The following CMTM6 variants were observed in gnomAD, a reference collection of about 807,000 sequenced individuals.
CMTM6 encodes the protein CKLF-like MARVEL transmembrane domain-containing protein 6.
A neutral mutation model predicts 13.6 loss-of-function variants in CMTM6; 5 were observed. The ratio of observed to expected loss-of-function variants is 0.37; its 90% CI spans 0.19 to 0.77. The LOEUF is 0.77. Ranked by LOEUF, CMTM6 falls within the 30% of genes least tolerant of loss-of-function variation. CMTM6 has a pLI of 0.50. For missense variants in CMTM6, 196 were observed against 218.6 expected (o/e 0.90, Z 0.65); for synonymous variants, 99 against 84.5 (o/e 1.17, Z -0.94).
chr3:32,488,106 T>C, intron 2 of CMTM6, 70 bp from the exon 3 acceptor site: 1 of 1,131,502 alleles, frequency 8.8e-7, no homozygotes, highest in Non-Finnish European at 1.3e-6. Flanking sequence ...TTTTTCATTT[T>C]TAACTTTAAA....
At chr3:32,487,713 G>A (rs1339206844) in intron 3 of CMTM6, 14 of 400,076 alleles carry the variant, frequency 3.5e-5, no homozygotes, top group Non-Finnish European at 6.4e-5. Context: ...ACGGTATGTG[G>A]AGTAAGTGGA....
intron 1 of CMTM6, among the ~76,000 whole-genome samples, chr3:32,500,217 T>TTAGTTTTTTAAAAA (rs1166280782): frequency 6.6e-6 from 1 of 152,214 alleles, no homozygotes; most frequent in African/African-American, 2.4e-5. Flanking sequence ...GCAATTCTGT[T>TTAGTTTTTTAAAAA]TAGTTTTTTA....
intron 1 of CMTM6, among the ~76,000 whole-genome samples, chr3:32,496,312 T>A (rs981607417): frequency 1.3e-5 from 2 of 151,940 alleles, no homozygotes; most frequent in African/African-American, 4.8e-5. Flanking sequence ...CCAGATGCGA[T>A]GGCTCACATC....
chr3:32,485,666 A>G (rs1697197078), intron 3 of CMTM6, among the ~76,000 whole-genome samples: 1 of 152,216 alleles, frequency 6.6e-6, no homozygotes, highest in Non-Finnish European at 1.5e-5. Context: ...TCATGTACCC[A>G]TGAATAAATA....
At chr3:32,502,546 C>T in intron 1 of CMTM6, 62 bp downstream of exon 1, 1 of 1,545,124 alleles carries the variant, frequency 6.5e-7, no homozygotes, top group Non-Finnish European at 8.7e-7. Flanking sequence ...TCGGCGGCCT[C>T]CCAAGCCCGG....
At chr3:32,486,760 G>A (rs1020037812) in intron 3 of CMTM6, among the ~76,000 whole-genome samples, 2 of 152,180 alleles carry the variant, frequency 1.3e-5, no homozygotes, top group African/African-American at 2.4e-5. Flanking sequence ...AATGTTGGGG[G>A]TGGAGCCTAG....
rs142326789 is a variant in CMTM6, at chr3:32,484,712, C to T, written c.415-615G>A. Among the ~76,000 whole-genome samples, 796 of 152,176 alleles carry T rather than the reference C, an allele frequency of 5.2e-3. 10 individuals carry two copies. The highest frequency in any genetic ancestry group is 0.018 in the African/African-American group (756 of 41,504). ...AGAATTCTATCAAGAGACAGAAGAC[C>T]ATGCGTCTGCTTCAAATTTAGCTTC... On this transcript the variant is annotated intron_variant, in intron 3 of 3. Transcript: ENST00000205636.
chr3:32,499,988 G>T (rs961404251), intron 1 of CMTM6, among the ~76,000 whole-genome samples: 6 of 151,662 alleles, frequency 4.0e-5, no homozygotes, highest in African/African-American at 1.5e-4. Flanking sequence ...AATTTCCTAA[G>T]TATATACACA....
chr3:32,499,594 C>T (rs1273028219), intron 1 of CMTM6, among the ~76,000 whole-genome samples: 1 of 152,126 alleles, frequency 6.6e-6, no homozygotes, highest in African/African-American at 2.4e-5. Context: ...AACATGTGGA[C>T]AAATCTAAGG....
intron 1 of CMTM6, among the ~76,000 whole-genome samples, chr3:32,495,741 G>C (rs1226171176): frequency 1.3e-5 from 2 of 152,182 alleles, no homozygotes; most frequent in Non-Finnish European, 1.5e-5. Context: ...GATCCAGCTT[G>C]TCCAGAAGCA....
Position 32,484,103 on chromosome 3 carries a change from G to GA in CMTM6, c.415-7dup, listed in dbSNP as rs34288928. 3.2e-6 allele frequency: 5 copies of GA among 1,567,812 alleles called. No individual in the cohort carries two copies. The highest frequency in any genetic ancestry group is 4.1e-5 in the Admixed American group (2 of 48,926). Reference sequence around the variant, plus strand: ...CTTGCTATAAATCCAAACACCTGAGGAAAAAAAGGAGGAAAGGTTATATGA... The same window carrying GA: ...CTTGCTATAAATCCAAACACCTGAGGAAAAAAAAGGAGGAAAGGTTATATGA... On this transcript the variant is annotated splice_polypyrimidine_tract_variant and splice_region_variant and intron_variant, in intron 3 of 3. Transcript: ENST00000205636.
intron 1 of CMTM6, among the ~76,000 whole-genome samples, chr3:32,501,454 G>A (rs999530550): frequency 2.0e-5 from 3 of 152,154 alleles, no homozygotes; most frequent in African/African-American, 7.2e-5. Context: ...GGGAGACTGG[G>A]AGAAAGATAA....
At position 32,483,997 on chromosome 3, in the gene CMTM6, G is replaced by C; in HGVS notation, c.515C>G (p.Thr172Ser). The C allele has an allele frequency of 1.9e-6, 3 of 1,612,024 alleles. No individual in the cohort carries two copies. Among genetic ancestry groups the C allele is most frequent in the African/African-American group, 1.3e-5 (1 of 74,956 alleles). The stretch of plus-strand genomic sequence containing the variant: ...TGGCTCAGTGAGGGCTTCAGCCCTA[G>C]TGGTATTTTCAGGTTTTCTCAGCTG... The part of the protein sequence containing the change: ...ESQLRKPENT[T>S]RAEALTEPLN... The change falls in exon 4 of 4, where the codon ACT becomes AGT. Residue 172 changes from threonine (T) to serine (S), a missense_variant. This residue lies in a region of CMTM6 where 111 missense variants were observed against 160.0 expected (regional missense o/e 0.69). Transcript: ENST00000205636.
At chr3:32,496,884 G>A (rs1697296551) in intron 1 of CMTM6, among the ~76,000 whole-genome samples, 1 of 152,166 alleles carries the variant, frequency 6.6e-6, no homozygotes, top group Admixed American at 6.5e-5. Flanking sequence ...TGGTTTAGGA[G>A]TTGGGTGTGG....
intron 2 of CMTM6, 22 bp downstream of exon 2, chr3:32,491,688 G>T: frequency 6.4e-7 from 1 of 1,567,634 alleles, no homozygotes. Context: ...TTAATACAGG[G>T]ATGATATTTT....
At position 32,483,887 on chromosome 3, in the gene CMTM6, A is replaced by G; in HGVS notation, c.*73T>C. ...GGTTTAAACAATTAACAAATTTTAC[A>G]AGAGCTTCTGCCAGGGCTCAGGCAC... On this transcript the variant is annotated 3_prime_UTR_variant, in exon 4 of 4. Coordinates refer to ENST00000205636, the MANE Select transcript of CMTM6 (RefSeq NM_017801.3). 1 of 1,356,124 alleles carries G rather than the reference A, an allele frequency of 7.4e-7. No homozygotes were observed. The highest frequency in any genetic ancestry group is 9.6e-7 in the Non-Finnish European group (1 of 1,036,384). 84.0% of individuals were successfully genotyped at this position (1,356,124 alleles called of 1,614,324 possible).
intron 3 of CMTM6, among the ~76,000 whole-genome samples, chr3:32,485,430 C>A (rs1467279666): frequency 6.6e-6 from 1 of 151,594 alleles, no homozygotes; most frequent in Admixed American, 6.6e-5. Flanking sequence ...TAAATTTTTT[C>A]CCTGGAACTC....
intron 2 of CMTM6, among the ~76,000 whole-genome samples, chr3:32,490,863 T>A (rs892895600): frequency 6.6e-6 from 1 of 151,190 alleles, no homozygotes; most frequent in Non-Finnish European, 1.5e-5. Flanking sequence ...ATATATACAT[T>A]TTTTTTTACA....
intron 1 of CMTM6, among the ~76,000 whole-genome samples, chr3:32,498,837 C>T (rs935598654): frequency 2.6e-5 from 4 of 151,874 alleles, no homozygotes; most frequent in Non-Finnish European, 5.9e-5. Flanking sequence ...CTCGGCCTCC[C>T]AAAGTGCTGG....
Sources: gnomAD v4.1 joint callset for allele counts (sites outside exome capture counted in the v4.1 genomes callset) on GRCh38, gnomAD v4.1.1 for gene constraint, gnomAD v4.1.1 regional missense constraint, MANE v1.5 for transcripts, NCBI Gene and HGNC (gene_info 2026-07-23, HGNC 2026-07-21) for gene names.